Variants in ESR1 observed in about 807,000 individuals in gnomAD.
ESR1 encodes the protein estrogen receptor 1.
A neutral mutation model predicts 52.7 loss-of-function variants in ESR1; 12 were observed. The observed-to-expected ratio is 0.23, with a 90% CI of 0.15 to 0.37. The LOEUF is 0.37. Among genes scored for constraint, ESR1 ranks in the 10% least tolerant of loss-of-function variants. ESR1 has a pLI of 1.00. For synonymous variants in ESR1, 305 were observed against 316.8 expected (o/e 0.96, Z 0.39); for missense variants, 584 against 779.7 (o/e 0.75, Z 2.99).
intron 4 of ESR1, among the ~76,000 whole-genome samples, chr6:151,992,440 CAT>C (rs1387917144): frequency 6.6e-6 from 1 of 152,198 alleles, no homozygotes. Flanking sequence ...TTTCACTTGA[CAT>C]AATGTTTTCA....
intron 1 of ESR1, among the ~76,000 whole-genome samples, chr6:151,820,936 G>A (rs1780460129): frequency 1.3e-5 from 2 of 152,294 alleles, no homozygotes; most frequent in East Asian, 1.9e-4. Context: ...GGGTAAAATT[G>A]TAGTGTAATT....
At chr6:151,727,069 A>G (rs1350678909) in intron 2 of ESR1, among the ~76,000 whole-genome samples, 2 of 152,222 alleles carry the variant, frequency 1.3e-5, no homozygotes, top group Admixed American at 6.5e-5. Context: ...AAGTAATATA[A>G]AAATTAAGAA....
chr6:151,811,186 T>A (rs117196849), intron 1 of ESR1: 1 of 152,324 alleles, frequency 6.6e-6, no homozygotes, highest in Non-Finnish European at 1.5e-5. Flanking sequence ...TCTGGACGCA[T>A]AATAATGTGA....
chr6:152,108,870 G>A (rs533840262), intron 6 of ESR1, among the ~76,000 whole-genome samples: 14 of 152,232 alleles, frequency 9.2e-5, no homozygotes, highest in South Asian at 2.1e-4. Flanking sequence ...CCATTCTCAC[G>A]CTGCTACAAA....
rs1407960579 is a variant in ESR1 at position 151,776,635 on chromosome 6, C to T, written c.-70-31208C>T. On this transcript the variant is annotated intron_variant, in intron 2 of 2. Transcript: ENST00000404742. ...GGAGGATCATCTGAGGTCAGGAGTT[C>T]GAGATCAGCCTGGTCAACATGGTGA... is the stretch of plus-strand genomic sequence containing the variant. Among the ~76,000 whole-genome samples, 8 of 152,068 alleles carry T rather than the reference C, an allele frequency of 5.3e-5. No homozygotes were observed. In the East Asian group the frequency reaches 9.6e-4, roughly 18 times the overall value.
At chr6:151,673,863 C>T (rs1043648952) in intron 1 of ESR1, among the ~76,000 whole-genome samples, 5 of 152,048 alleles carry the variant, frequency 3.3e-5, no homozygotes, top group Admixed American at 2.0e-4. Flanking sequence ...GGTTGGAGTA[C>T]AAACTTTCAG....
intron 3 of ESR1, among the ~76,000 whole-genome samples, chr6:151,938,811 A>G (rs1216876459): frequency 6.6e-6 from 1 of 152,212 alleles, no homozygotes; most frequent in Non-Finnish European, 1.5e-5. Flanking sequence ...TGACGAGGAT[A>G]TTATAGTTGC....
intron 2 of ESR1, among the ~76,000 whole-genome samples, chr6:151,718,063 A>C (rs1781186139): frequency 6.6e-6 from 1 of 152,228 alleles, no homozygotes; most frequent in Non-Finnish European, 1.5e-5. Flanking sequence ...ACATCTGATG[A>C]ATGAATGAAT....
intron 2 of ESR1, among the ~76,000 whole-genome samples, chr6:151,745,115 TA>T (rs1312557582): frequency 6.6e-6 from 1 of 152,182 alleles, no homozygotes; most frequent in Non-Finnish European, 1.5e-5. Flanking sequence ...CTTTCCTTAA[TA>T]AAAAAACTTT....
In ESR1 at chr6:152,060,891, C is replaced by A. The variant is rs905087328; in HGVS notation, c.1236-100C>A. Reference sequence around the variant, plus strand: ...TAGTTTTTTGTTAAAGATTTAGAACCAGTGGATTTTTATGAATGTGAACCC... The same window carrying A: ...TAGTTTTTTGTTAAAGATTTAGAACAAGTGGATTTTTATGAATGTGAACCC... On this transcript the variant is annotated intron_variant, in intron 5 of 7. Transcript: ENST00000206249. The A allele has an allele frequency of 8.6e-6, 8 of 925,966 alleles. No individual in the cohort carries two copies. In the African/African-American group the frequency reaches 1.0e-4, roughly 12 times the overall value. 57.4% of individuals were successfully genotyped at this position (925,966 alleles called of 1,614,324 possible). A position where few individuals can be genotyped will look rare whatever the true frequency, so the allele number is the denominator to read the frequency against.
At chr6:151,822,409 G>T (rs1013483267) in intron 1 of ESR1, among the ~76,000 whole-genome samples, 2 of 152,056 alleles carry the variant, frequency 1.3e-5, no homozygotes, top group African/African-American at 4.8e-5. Flanking sequence ...TTCCTCTAAG[G>T]AGCTGAAAAC....
intron 2 of ESR1, among the ~76,000 whole-genome samples, chr6:151,795,723 T>G (rs1776634022): frequency 6.6e-6 from 1 of 152,178 alleles, no homozygotes. Context: ...AATTGACTTA[T>G]GTACAAATTT....
chr6:151,897,624 G>A lies in ESR1; in HGVS notation c.760+16853G>A, dbSNP rs145566568. 3.4e-3 allele frequency among the ~76,000 whole-genome samples: 516 copies of A among 152,230 alleles called. 3 individuals are homozygous for A. Among genetic ancestry groups the A allele is most frequent in the African/African-American group, 0.012 (492 of 41,552 alleles). On this transcript the variant is annotated intron_variant, in intron 3 of 7. Transcript: ENST00000206249. ...GGCAGCAGATACTTGGTTGGTGATTGCTTATCCATTCTGCAATTCTGTATC... is the reference window on the plus strand; with the variant it reads ...GGCAGCAGATACTTGGTTGGTGATTACTTATCCATTCTGCAATTCTGTATC...
intron 6 of ESR1, among the ~76,000 whole-genome samples, chr6:152,118,590 G>A (rs376408479): frequency 1.0e-4 from 15 of 147,830 alleles, no homozygotes; most frequent in African/African-American, 3.8e-4. Context: ...ACACACTGGG[G>A]CCTGTCAGGG....
At chr6:151,774,097 G>A (rs1407844986) in intron 2 of ESR1, among the ~76,000 whole-genome samples, 2 of 152,190 alleles carry the variant, frequency 1.3e-5, no homozygotes, top group African/African-American at 4.8e-5. Context: ...ATTGTCATTA[G>A]GGAGTTAGAG....
At chr6:151,719,930 A>G (rs111758562) in intron 2 of ESR1, among the ~76,000 whole-genome samples, 1,533 of 152,298 alleles carry the variant, frequency 0.01, 24 homozygotes, top group African/African-American at 0.034. Flanking sequence ...AAGGGTCAGG[A>G]ATATTTGACT....
chr6:151,995,991 AC>A (rs538462555), intron 4 of ESR1, among the ~76,000 whole-genome samples: 24 of 152,248 alleles, frequency 1.6e-4, no homozygotes, highest in African/African-American at 5.1e-4. Flanking sequence ...CTGAGATCTC[AC>A]CCAAGGCCCT....
chr6:152,088,746 A>G (rs534032424), intron 6 of ESR1, among the ~76,000 whole-genome samples: 2 of 152,328 alleles, frequency 1.3e-5, no homozygotes, highest in African/African-American at 2.4e-5. Flanking sequence ...CTCAACCTCC[A>G]TAACTGTAGG....
intron 1 of ESR1, among the ~76,000 whole-genome samples, chr6:151,670,102 T>C (rs1420529043): frequency 6.6e-6 from 1 of 152,194 alleles, no homozygotes; most frequent in East Asian, 1.9e-4. Context: ...TCTTTAGCCG[T>C]AACTCCTCCA....
Sources: allele counts gnomAD v4.1 joint callset (sites outside exome capture counted in the v4.1 genomes callset), GRCh38; gene constraint gnomAD v4.1.1; transcripts MANE v1.5; gene names NCBI Gene and HGNC (gene_info 2026-07-23, HGNC 2026-07-21).